PCDHGA7: variants seen among roughly 807,000 people sequenced by gnomAD.
PCDHGA7 encodes the protein protocadherin gamma-A7.
In PCDHGA7, 44 loss-of-function variants were observed where a neutral mutation model predicts 58.3. That is an observed-to-expected ratio of 0.75 (90% CI 0.59 to 0.97). The LOEUF is 0.97. Among genes scored for constraint, PCDHGA7 ranks in the 50% least tolerant of loss-of-function variants. The pLI is 0.00. For synonymous variants in PCDHGA7, 516 were observed against 504.2 expected (o/e 1.02, Z -0.31); for missense variants, 1,266 against 1,188.7 (o/e 1.06, Z -0.96).
At chr5:141,399,785 A>G (rs748714301) in intron 1 of PCDHGA7, 6 of 1,613,294 alleles carry the variant, frequency 3.7e-6, no homozygotes, top group South Asian at 1.1e-5. Context: ...GACCGAAACG[A>G]CAACGCACCG....
At chr5:141,409,709 T>G (rs1328690143) in intron 1 of PCDHGA7, 2 of 1,613,198 alleles carry the variant, frequency 1.2e-6, no homozygotes, top group Non-Finnish European at 8.5e-7. Context: ...GGCGGTGTCG[T>G]CATACGTGTC....
intron 1 of PCDHGA7, among the ~76,000 whole-genome samples, chr5:141,475,204 A>G (rs2099360413): frequency 6.6e-6 from 1 of 152,176 alleles, no homozygotes; most frequent in African/African-American, 2.4e-5. Flanking sequence ...AGATCTTGGG[A>G]AAAGGATTGA....
At chr5:141,397,668 C>T (rs1455080741) in intron 1 of PCDHGA7, among the ~76,000 whole-genome samples, 3 of 152,224 alleles carry the variant, frequency 2.0e-5, no homozygotes, top group African/African-American at 7.2e-5. Flanking sequence ...AAAGAATGGA[C>T]CAATGTATGC....
At position 141,476,477 on chromosome 5, in the gene PCDHGA7, G is replaced by A; in HGVS notation, c.2425-18330G>A. 1.2e-6 allele frequency: 2 copies of A among 1,614,078 alleles called. No individual in the cohort carries two copies. Among genetic ancestry groups the A allele is most frequent in the South Asian group, 1.1e-5 (1 of 91,070 alleles). ...GGAGAACCCGCTGGAGCTGTTCAGC[G>A]TGGAAGTGGTGATCCAGGACATCAA... On this transcript the variant is annotated intron_variant, in intron 1 of 3. Transcript: ENST00000518325. This position sits in a 1 kb window ranked among gnomAD's most constrained non-coding sequence, Gnocchi z 7.6.
At chr5:141,468,783 G>T (rs908838744) in intron 1 of PCDHGA7, among the ~76,000 whole-genome samples, 5 of 151,346 alleles carry the variant, frequency 3.3e-5, no homozygotes, top group East Asian at 2.0e-4. Flanking sequence ...GGAGAATGGC[G>T]TGAACCCGGG....
intron 1 of PCDHGA7, chr5:141,399,029 A>G: frequency 6.2e-7 from 1 of 1,613,912 alleles, no homozygotes. Context: ...ACCACTCAAA[A>G]GAAACTGGAT....
At chr5:141,460,924 A>ATATG (rs1561985817) in intron 1 of PCDHGA7, among the ~76,000 whole-genome samples, 10 of 150,588 alleles carry the variant, frequency 6.6e-5, no homozygotes, top group East Asian at 3.9e-4. Flanking sequence ...ATATATATAT[A>ATATG]TGTGTGTGTG....
chr5:141,494,903 G>A (rs760748707), intron 2 of PCDHGA7, 38 bp downstream of exon 2: 39 of 1,613,894 alleles, frequency 2.4e-5, no homozygotes, highest in Non-Finnish European at 3.1e-5. Context: ...TCTTCTCTGC[G>A]GCATTTTCTC....
In PCDHGA7 at chr5:141,408,826, T is replaced by C. The variant is rs138252575; in HGVS notation, c.2424+23503T>C. ...TAGACCGGGAAGAACAGAGATCTCA[T>C]AGCTTGATATTGACTGCCTTGGACG... On this transcript the variant is annotated intron_variant, in intron 1 of 3. Coordinates refer to ENST00000518325, the MANE Select transcript of PCDHGA7 (RefSeq NM_018920.4). The C allele has an allele frequency of 6.1e-5, 98 of 1,613,582 alleles. No homozygotes were observed. The African/African-American group carries it at 9.9e-4, about 16-fold the overall frequency.
In PCDHGA7 at chr5:141,491,511, C is replaced by G. The variant is rs777448782; in HGVS notation, c.2425-3296C>G. 6.2e-7 allele frequency: 1 copy of G among 1,614,080 alleles called. No individual in the cohort carries two copies. The highest frequency in any genetic ancestry group is 8.5e-7 in the Non-Finnish European group (1 of 1,180,018). ...TGCAGGTGAGCTCGGACGGCACGCT[C>G]AAGTACATGGAGGTGACGCTGCGGC... On this transcript the variant is annotated intron_variant, in intron 1 of 3. Transcript: ENST00000518325. This position sits in a 1 kb window ranked among gnomAD's most constrained non-coding sequence, Gnocchi z 6.9.
At chr5:141,402,639 A>C (rs886333954) in intron 1 of PCDHGA7, among the ~76,000 whole-genome samples, 2 of 152,250 alleles carry the variant, frequency 1.3e-5, no homozygotes. Flanking sequence ...ATCTAAAATC[A>C]TAATTAGAAG....
At chr5:141,418,742 G>T (rs1351760637) in intron 1 of PCDHGA7, 6 of 1,613,778 alleles carry the variant, frequency 3.7e-6, no homozygotes, top group South Asian at 1.1e-5. Context: ...GTTCTCTCTG[G>T]ATTACACTAC....
chr5:141,394,211 G>A, intron 1 of PCDHGA7: 1 of 1,613,888 alleles, frequency 6.2e-7, no homozygotes, highest in Non-Finnish European at 8.5e-7. Flanking sequence ...AGAACAACCT[G>A]AGAGGAGCCT....
At chr5:141,399,942 G>T (rs780939486) in intron 1 of PCDHGA7, 2 of 1,612,258 alleles carry the variant, frequency 1.2e-6, no homozygotes, top group Admixed American at 3.3e-5. Flanking sequence ...ACCACGTGCT[G>T]CAGGCTAGCG....
chr5:141,503,214 T>C (rs994291483), intron 2 of PCDHGA7, among the ~76,000 whole-genome samples: 7 of 152,096 alleles, frequency 4.6e-5, no homozygotes, highest in African/African-American at 1.7e-4. Flanking sequence ...GTGCCCACCA[T>C]GAGCACCGTA....
intron 1 of PCDHGA7, chr5:141,396,416 C>T (rs1336875388): frequency 6.6e-6 from 1 of 152,140 alleles, no homozygotes; most frequent in Non-Finnish European, 1.5e-5. Flanking sequence ...GTCAGGAGTT[C>T]AAGATCAGCC....
intron 1 of PCDHGA7, among the ~76,000 whole-genome samples, chr5:141,471,996 G>A (rs2099268647): frequency 6.6e-6 from 1 of 152,006 alleles, no homozygotes; most frequent in Admixed American, 6.6e-5. Context: ...AAAAATCCCT[G>A]CATCGTATAG....
chr5:141,501,343 C>T (rs1202291965), intron 2 of PCDHGA7, among the ~76,000 whole-genome samples: 1 of 150,430 alleles, frequency 6.6e-6, no homozygotes, highest in Non-Finnish European at 1.5e-5. Context: ...ACCCCAAACT[C>T]AATAGGGCAA....
At chr5:141,427,526 G>A (rs956426158) in intron 1 of PCDHGA7, 2 of 612,866 alleles carry the variant, frequency 3.3e-6, no homozygotes, top group Middle Eastern at 2.6e-4. Context: ...AGCGGATCCC[G>A]GAGTACAACG....
Sources: gnomAD v4.1 joint callset for allele counts (sites outside exome capture counted in the v4.1 genomes callset) on GRCh38, gnomAD v4.1.1 for gene constraint, Gnocchi (gnomAD v3.1) non-coding constraint, MANE v1.5 for transcripts, NCBI Gene and HGNC (gene_info 2026-07-23, HGNC 2026-07-21) for gene names.